Variants in CDKAL1 observed in about 807,000 individuals in gnomAD.
The protein encoded by CDKAL1 is threonylcarbamoyladenosine tRNA methylthiotransferase.
Under a neutral mutation model 68.2 loss-of-function variants are expected in CDKAL1, and 32 were observed. The ratio of observed to expected loss-of-function variants is 0.47; its 90% CI spans 0.35 to 0.63. The LOEUF is 0.63. CDKAL1 is among the 30% of genes least tolerant of loss of function. The pLI is 0.00. For missense variants in CDKAL1, 606 were observed against 696.7 expected, an observed-to-expected ratio of 0.87 and a Z score of 1.47; for synonymous variants, 234 against 244.3, an observed-to-expected ratio of 0.96 and a Z score of 0.39.
intron 5 of CDKAL1, among the ~76,000 whole-genome samples, chr6:20,690,928 T>G (rs1209513836): frequency 1.3e-5 from 2 of 152,184 alleles, no homozygotes; most frequent in Non-Finnish European, 2.9e-5. Flanking sequence ...AACAAAAAAT[T>G]AAGATTCTGA....
intron 2 of CDKAL1, among the ~76,000 whole-genome samples, chr6:20,535,745 C>A (rs1466868396): frequency 1.3e-5 from 2 of 152,042 alleles, no homozygotes; most frequent in African/African-American, 4.8e-5. Flanking sequence ...TGGTCTTGTA[C>A]CTTCTCCTAC....
intron 13 of CDKAL1, among the ~76,000 whole-genome samples, chr6:21,190,574 C>T (rs1778194522): frequency 6.6e-6 from 1 of 152,132 alleles, no homozygotes; most frequent in Non-Finnish European, 1.5e-5. Flanking sequence ...ATCATGTTGG[C>T]TAAGCTGGTC....
Position 21,061,934 on chromosome 6 carries a change from C to T in CDKAL1, c.1056-3114C>T, listed in dbSNP as rs186186916. 1.9e-3 allele frequency among the ~76,000 whole-genome samples: 288 copies of T among 152,294 alleles called. 1 individual carries two copies. The highest frequency in any genetic ancestry group is 3.1e-3 in the Non-Finnish European group (210 of 68,002). On this transcript the variant is annotated intron_variant, in intron 11 of 15. Coordinates refer to ENST00000274695, the MANE Select transcript of CDKAL1 (RefSeq NM_017774.3). ...TAGTATAAGTTGCTATTCACAGTGG[C>T]CTGCCTCCTCCCTTGCTATCAGGCA...
chr6:20,848,283 T>TTTTGGTTTTTTTG (rs112015484), intron 9 of CDKAL1, among the ~76,000 whole-genome samples: 84,701 of 132,674 alleles, frequency 0.64, 25,352 homozygotes, highest in Non-Finnish European at 0.72. Context: ...AAAGTTGTTT[T>TTTTGGTTTTTTTG]TTTTTTTTTT....
At chr6:21,160,656 CGTGTGTGTGTGT>C (rs1554189725) in intron 13 of CDKAL1, among the ~76,000 whole-genome samples, 1 of 127,988 alleles carries the variant, frequency 7.8e-6, no homozygotes, top group Non-Finnish European at 1.7e-5. Context: ...CACACACACA[CGTGTGTGTGTGT>C]GTGTGTGTGT....
At chr6:20,672,374 T>C (rs1187294112) in intron 5 of CDKAL1, among the ~76,000 whole-genome samples, 1 of 151,700 alleles carries the variant, frequency 6.6e-6, no homozygotes, top group Non-Finnish European at 1.5e-5. Context: ...TTCTTTCTTT[T>C]TTGAGAATCT....
At chr6:21,206,351 A>T (rs1163714856) in intron 15 of CDKAL1, among the ~76,000 whole-genome samples, 3 of 152,140 alleles carry the variant, frequency 2.0e-5, no homozygotes, top group Admixed American at 2.0e-4. Flanking sequence ...GGCATTAGAG[A>T]TCTGTCTCTC....
At chr6:20,729,072 A>G (rs978826701) in intron 5 of CDKAL1, among the ~76,000 whole-genome samples, 1 of 152,238 alleles carries the variant, frequency 6.6e-6, no homozygotes, top group Non-Finnish European at 1.5e-5. Context: ...ATGATCACTT[A>G]TCAGGGATAT....
intron 12 of CDKAL1, among the ~76,000 whole-genome samples, chr6:21,106,602 T>C (rs889727850): frequency 5.9e-5 from 9 of 152,118 alleles, no homozygotes; most frequent in Admixed American, 4.6e-4. Context: ...GAGTACAATT[T>C]AAAATAATAC....
intron 5 of CDKAL1, among the ~76,000 whole-genome samples, chr6:20,726,576 G>A (rs1355268310): frequency 6.6e-6 from 1 of 152,196 alleles, no homozygotes; most frequent in Non-Finnish European, 1.5e-5. Context: ...TTACAGGGAA[G>A]TGACATCCCA....
chr6:20,902,080 C>T (rs181998223), intron 9 of CDKAL1, among the ~76,000 whole-genome samples: 1 of 136,328 alleles, frequency 7.3e-6, no homozygotes, highest in Non-Finnish European at 1.7e-5. Context: ...TAACCACTGT[C>T]CCCCTGACTT....
chr6:20,829,289 C>T (rs1418463831), intron 8 of CDKAL1, among the ~76,000 whole-genome samples: 2 of 152,176 alleles, frequency 1.3e-5, no homozygotes, highest in African/African-American at 2.4e-5. Flanking sequence ...TTTTCCTCAG[C>T]AGCTACACAC....
intron 11 of CDKAL1, among the ~76,000 whole-genome samples, chr6:21,048,867 G>T (rs1016423483): frequency 6.6e-6 from 1 of 151,750 alleles, no homozygotes; most frequent in Non-Finnish European, 1.5e-5. Flanking sequence ...TAACTTTGTA[G>T]ATTTTGCCCT....
At chr6:20,897,409 G>A (rs944872796) in intron 9 of CDKAL1, among the ~76,000 whole-genome samples, 4 of 152,054 alleles carry the variant, frequency 2.6e-5, no homozygotes, top group Admixed American at 1.3e-4. Context: ...GCCCCTTATA[G>A]CAGAGGCCTC....
intron 8 of CDKAL1, among the ~76,000 whole-genome samples, chr6:20,796,883 TATTC>T (rs1776131081): frequency 6.6e-6 from 1 of 152,214 alleles, no homozygotes; most frequent in Admixed American, 6.5e-5. Context: ...CCTTTTTTCT[TATTC>T]AATTCATGAA....
chr6:21,203,509 T>A (rs1778778231), intron 15 of CDKAL1, among the ~76,000 whole-genome samples: 1 of 151,726 alleles, frequency 6.6e-6, no homozygotes, highest in Non-Finnish European at 1.5e-5. Context: ...GTGCTGGAAT[T>A]ACAGACATGA....
intron 13 of CDKAL1, among the ~76,000 whole-genome samples, chr6:21,161,808 G>C (rs1776938725): frequency 6.6e-6 from 1 of 152,146 alleles, no homozygotes; most frequent in African/African-American, 2.4e-5. Context: ...ATTAAGGCTT[G>C]ATAATTTGAG....
At chr6:20,721,566 T>C (rs979346073) in intron 5 of CDKAL1, among the ~76,000 whole-genome samples, 8 of 152,230 alleles carry the variant, frequency 5.3e-5, no homozygotes, top group South Asian at 4.1e-4. Flanking sequence ...TTCTTTTCCT[T>C]TGGGTAGATA....
intron 11 of CDKAL1, among the ~76,000 whole-genome samples, chr6:21,056,164 G>A (rs1770823895): frequency 6.6e-6 from 1 of 152,014 alleles, no homozygotes; most frequent in South Asian, 2.1e-4. Context: ...CGAATGGAAT[G>A]TTTTTCCATT....
Sources: gnomAD v4.1 joint callset for allele counts (sites outside exome capture counted in the v4.1 genomes callset) on GRCh38, gnomAD v4.1.1 for gene constraint, MANE v1.5 for transcripts, NCBI Gene and HGNC (gene_info 2026-07-23, HGNC 2026-07-21) for gene names.